The following TRIP12 variants were observed in gnomAD, a reference collection of about 807,000 sequenced individuals.
TRIP12 encodes the protein thyroid hormone receptor interactor 12, also known as E3 ubiquitin-protein ligase TRIP12.
A neutral mutation model predicts 244.2 loss-of-function variants in TRIP12; 25 were observed. The ratio of observed to expected loss-of-function variants is 0.10; its 90% confidence interval spans 0.07 to 0.14. The LOEUF is 0.14. Among genes scored for constraint, TRIP12 ranks in the 10% least tolerant of loss-of-function variants. The probability of loss-of-function intolerance (pLI) is 1.00; values close to 1 mark genes in which losing one functional copy is unlikely to be tolerated. For missense variants in TRIP12, 1,677 were observed against 2,486.4 expected (o/e 0.67, Z 6.92); for synonymous variants, 905 against 873.1 (o/e 1.04, Z -0.64).
At chr2:229,881,854 C>T (rs570385835) in intron 1 of TRIP12, among the ~76,000 whole-genome samples, 12 of 152,170 alleles carry the variant, frequency 7.9e-5, no homozygotes, top group African/African-American at 2.7e-4. Flanking sequence ...AAACATACTT[C>T]GTTAATAATG....
intron 1 of TRIP12, among the ~76,000 whole-genome samples, chr2:229,885,688 T>C (rs1185661224): frequency 6.6e-6 from 1 of 152,194 alleles, no homozygotes; most frequent in African/African-American, 2.4e-5. Context: ...AATAAGCCTA[T>C]CTTTAAAGTG....
chr2:229,867,171 G>GT (rs11335613), intron 2 of TRIP12, among the ~76,000 whole-genome samples: 4,566 of 123,492 alleles, frequency 0.037, 192 homozygotes, highest in Non-Finnish European at 0.057. Context: ...TTGTTTGTTT[G>GT]TTTTTTTTTT....
At chr2:229,846,436 A>T (rs1166634417) in intron 4 of TRIP12, among the ~76,000 whole-genome samples, 1 of 152,214 alleles carries the variant, frequency 6.6e-6, no homozygotes, top group Non-Finnish European at 1.5e-5. Context: ...TAGCAATAAA[A>T]TATTTTTAAC....
chr2:229,912,480 G>A (rs1327691804), intron 1 of TRIP12, among the ~76,000 whole-genome samples: 3 of 151,748 alleles, frequency 2.0e-5, no homozygotes, highest in Non-Finnish European at 2.9e-5. Context: ...CATATATATG[G>A]ACCCTCTACT....
intron 8 of TRIP12, 121 bp from the exon 9 acceptor site, chr2:229,818,633 C>A (rs1437912418): frequency 1.1e-6 from 1 of 917,238 alleles, no homozygotes; most frequent in African/African-American, 1.7e-5. Context: ...AAGACTAGGT[C>A]TATACCAGGG....
chr2:229,855,996 A>T (rs1434840110), intron 4 of TRIP12, among the ~76,000 whole-genome samples: 1 of 151,054 alleles, frequency 6.6e-6, no homozygotes, highest in African/African-American at 2.4e-5. Flanking sequence ...CAACTGCGCC[A>T]CTACACACAC....
Position 229,777,645 on chromosome 2 carries a change from T to TC in TRIP12, c.5365-167dup, listed in dbSNP as rs551726853. ...TTCTCCCACTACACAAAATTGATTC[T>TC]CTTGATTTGGGGCTCTAAATGCATT... On this transcript the variant is annotated intron_variant, in intron 36 of 41. Transcript: ENST00000675903. 5.3e-4 allele frequency among the ~76,000 whole-genome samples: 81 copies of TC among 152,334 alleles called. No individual in the cohort carries two copies. In the South Asian group the frequency reaches 0.016, roughly 31 times the overall value.
intron 6 of TRIP12, among the ~76,000 whole-genome samples, chr2:229,832,126 T>G (rs898235252): frequency 3.9e-5 from 6 of 152,174 alleles, no homozygotes; most frequent in Admixed American, 3.9e-4. Flanking sequence ...CACACACCAT[T>G]AAGTATTTTC....
intron 1 of TRIP12, among the ~76,000 whole-genome samples, chr2:229,906,882 T>C (rs2073009208): frequency 6.6e-6 from 1 of 152,182 alleles, no homozygotes; most frequent in Admixed American, 6.5e-5. Flanking sequence ...TCAAAAAATG[T>C]ATGCCATATC....
At chr2:229,896,556 G>A (rs2068887135) in intron 1 of TRIP12, among the ~76,000 whole-genome samples, 3 of 151,924 alleles carry the variant, frequency 2.0e-5, no homozygotes. Flanking sequence ...AGGTTGCAGT[G>A]AGCTGAGATG....
intron 2 of TRIP12, among the ~76,000 whole-genome samples, chr2:229,875,772 A>C (rs554727817): frequency 6.6e-6 from 1 of 152,332 alleles, no homozygotes; most frequent in Non-Finnish European, 1.5e-5. Flanking sequence ...GAATACCTTT[A>C]TGGGGCAAGT....
chr2:229,869,307 T>A (rs925092686), intron 2 of TRIP12, among the ~76,000 whole-genome samples: 10 of 152,232 alleles, frequency 6.6e-5, no homozygotes, highest in Admixed American at 2.0e-4. Flanking sequence ...TATCCTTTTC[T>A]AACCCATACT....
intron 2 of TRIP12, among the ~76,000 whole-genome samples, chr2:229,872,113 A>T (rs526815): frequency 1.1e-5 from 1 of 87,066 alleles, no homozygotes; most frequent in East Asian, 3.1e-4. Flanking sequence ...GTAAAAAAAA[A>T]AAAAAAAAAA....
chr2:229,856,749 A>G (rs2059671961), intron 4 of TRIP12, among the ~76,000 whole-genome samples: 1 of 152,238 alleles, frequency 6.6e-6, no homozygotes, highest in African/African-American at 2.4e-5. Flanking sequence ...ATGTAACTCC[A>G]ATTATCAATA....
At chr2:229,872,624 C>T (rs182494678) in intron 2 of TRIP12, among the ~76,000 whole-genome samples, 26 of 152,184 alleles carry the variant, frequency 1.7e-4, no homozygotes, top group African/African-American at 5.8e-4. Context: ...AGTCACATTA[C>T]GGTATGTAAA....
At chr2:229,785,322 A>T (rs1308044836) in intron 34 of TRIP12, among the ~76,000 whole-genome samples, 1 of 152,224 alleles carries the variant, frequency 6.6e-6, no homozygotes, top group Non-Finnish European at 1.5e-5. Context: ...GCAAAGTGAA[A>T]TGGGGGCACT....
intron 2 of TRIP12, among the ~76,000 whole-genome samples, chr2:229,871,794 CTAG>C (rs1453407065): frequency 2.6e-5 from 4 of 152,040 alleles, no homozygotes; most frequent in Non-Finnish European, 2.9e-5. Flanking sequence ...GTATAATCAA[CTAG>C]TAATTATATG....
At chr2:229,905,661 C>T (rs2154373251) in intron 1 of TRIP12, among the ~76,000 whole-genome samples, 1 of 152,322 alleles carries the variant, frequency 6.6e-6, no homozygotes, top group African/African-American at 2.4e-5. Flanking sequence ...CTTAAAGCCA[C>T]ATAATGCAAG....
At chr2:229,896,868 G>A (rs2068984368) in intron 1 of TRIP12, among the ~76,000 whole-genome samples, 1 of 152,166 alleles carries the variant, frequency 6.6e-6, no homozygotes, top group Non-Finnish European at 1.5e-5. Context: ...AACTTTTAGG[G>A]TGGTAAAAAT....
Sources: gnomAD v4.1 joint callset for allele counts (sites outside exome capture counted in the v4.1 genomes callset) on GRCh38, gnomAD v4.1.1 for gene constraint, MANE v1.5 for transcripts, NCBI Gene and HGNC (gene_info 2026-07-23, HGNC 2026-07-21) for gene names.